Variants in ROBO2 observed in about 807,000 individuals in gnomAD.
ROBO2 encodes roundabout guidance receptor 2, also known as roundabout homolog 2.
In ROBO2, 53 loss-of-function variants were observed where a neutral mutation model predicts 160.8. That is an observed-to-expected ratio of 0.33 (90% CI 0.26 to 0.41). The LOEUF (loss-of-function observed/expected upper bound fraction) is 0.41. Among genes scored for constraint, ROBO2 ranks in the 10% least tolerant of loss-of-function variants. ROBO2 has a pLI of 1.00. For missense variants in ROBO2, 1,577 were observed against 1,722.4 expected (o/e 0.92, Z 1.49); for synonymous variants, 664 against 611.7 (o/e 1.09, Z -1.26).
At chr3:76,430,887 A>G (rs1210663815) in intron 2 of ROBO2, among the ~76,000 whole-genome samples, 2 of 152,012 alleles carry the variant, frequency 1.3e-5, no homozygotes, top group East Asian at 3.8e-4. Context: ...ACATATTTAA[A>G]ATATTTCAAT....
chr3:76,151,514 T>C (rs1438212671), intron 2 of ROBO2, among the ~76,000 whole-genome samples: 1 of 152,148 alleles, frequency 6.6e-6, no homozygotes, highest in African/African-American at 2.4e-5. Context: ...TTGGTCCTAT[T>C]TCTGCTGGCT....
At chr3:76,046,566 T>G (rs1283945927) in intron 2 of ROBO2, among the ~76,000 whole-genome samples, 1 of 151,882 alleles carries the variant, frequency 6.6e-6, no homozygotes, top group African/African-American at 2.4e-5. Flanking sequence ...GAGAATGGCG[T>G]GAACCCGGGA....
chr3:76,206,832 T>C (rs1430615983), intron 2 of ROBO2, among the ~76,000 whole-genome samples: 1 of 152,190 alleles, frequency 6.6e-6, no homozygotes. Flanking sequence ...GCAAAGCATC[T>C]GTACCCACAG....
intron 2 of ROBO2, among the ~76,000 whole-genome samples, chr3:77,435,777 A>C (rs1265065678): frequency 1.3e-5 from 2 of 151,812 alleles, no homozygotes; most frequent in Admixed American, 1.3e-4. Context: ...AAGGTCGTGA[A>C]AGAAACAGGG....
chr3:77,554,752 C>G (rs561296572), intron 8 of ROBO2, among the ~76,000 whole-genome samples: 2 of 152,092 alleles, frequency 1.3e-5, no homozygotes, highest in African/African-American at 4.8e-5. Context: ...AGAATTGCTT[C>G]TTAGGGATGA....
intron 2 of ROBO2, among the ~76,000 whole-genome samples, chr3:76,113,484 C>T (rs1468186512): frequency 1.3e-5 from 2 of 152,086 alleles, no homozygotes; most frequent in African/African-American, 4.8e-5. Context: ...GATGTGTGAG[C>T]AGACTCTGAG....
intron 2 of ROBO2, among the ~76,000 whole-genome samples, chr3:76,107,475 CAT>C (rs2069992787): frequency 6.6e-6 from 1 of 152,238 alleles, no homozygotes; most frequent in Middle Eastern, 3.4e-3. Flanking sequence ...TTTTCTGAAT[CAT>C]GTGATGCCTT....
chr3:76,619,511 A>G (rs12488746), intron 2 of ROBO2, among the ~76,000 whole-genome samples: 49,429 of 152,056 alleles, frequency 0.33, 9,074 homozygotes, highest in Middle Eastern at 0.43. Flanking sequence ...TAGAGCCACT[A>G]TTTGAGGTCA....
At chr3:77,454,268 A>C (rs2081397016) in intron 2 of ROBO2, among the ~76,000 whole-genome samples, 1 of 152,146 alleles carries the variant, frequency 6.6e-6, no homozygotes. Context: ...GAAAAAGATA[A>C]GCGTTCAATT....
At chr3:76,929,028 GGA>G in intron 2 of ROBO2, among the ~76,000 whole-genome samples, 1 of 152,158 alleles carries the variant, frequency 6.6e-6, no homozygotes, top group Non-Finnish European at 1.5e-5. Flanking sequence ...GGGAGGCCAA[GGA>G]GGGTGAATCA....
At chr3:77,049,212 C>T (rs536472456) in intron 1 of ROBO2, among the ~76,000 whole-genome samples, 143 of 152,168 alleles carry the variant, frequency 9.4e-4, no homozygotes, top group Non-Finnish European at 1.3e-3. Context: ...CACTTGTGGT[C>T]TCAGATACTT....
intron 2 of ROBO2, among the ~76,000 whole-genome samples, chr3:76,041,894 G>C (rs1444235513): frequency 6.6e-6 from 1 of 151,838 alleles, no homozygotes; most frequent in East Asian, 1.9e-4. Context: ...TGTACTTCAA[G>C]TTTAAAAGAT....
In ROBO2 at chr3:77,080,932, C is replaced by T. The variant is rs574125210; in HGVS notation, c.62-17082C>T. 1.2e-4 allele frequency among the ~76,000 whole-genome samples: 19 copies of T among 152,130 alleles called. No homozygotes were observed. The South Asian group carries it at 1.7e-3, about 13-fold the overall frequency. On this transcript the variant is annotated intron_variant, in intron 1 of 25. Transcript: ENST00000461745. Reference sequence around the variant, plus strand: ...TACATTATGGTTTTTATAAGGTATTCGCCGGAGTTGCCTGTTTTGTTTAAT... The same window carrying T: ...TACATTATGGTTTTTATAAGGTATTTGCCGGAGTTGCCTGTTTTGTTTAAT...
At chr3:76,088,037 T>G (rs767899976) in intron 2 of ROBO2, among the ~76,000 whole-genome samples, 5 of 152,096 alleles carry the variant, frequency 3.3e-5, no homozygotes, top group Admixed American at 3.3e-4. Context: ...GTGAGAGATA[T>G]ACTATGCTAA....
intron 2 of ROBO2, among the ~76,000 whole-genome samples, chr3:76,643,913 G>A (rs2090832959): frequency 6.6e-6 from 1 of 152,022 alleles, no homozygotes; most frequent in Non-Finnish European, 1.5e-5. Context: ...TATATCTGTG[G>A]AGAACTATGA....
At chr3:76,662,517 A>G (rs935831322) in intron 2 of ROBO2, among the ~76,000 whole-genome samples, 25 of 138,954 alleles carry the variant, frequency 1.8e-4, no homozygotes, top group African/African-American at 6.0e-4. Context: ...TGAGGAACTC[A>G]GATTTTTTTT....
chr3:76,565,529 A>C (rs2084462930), intron 2 of ROBO2, among the ~76,000 whole-genome samples: 1 of 152,174 alleles, frequency 6.6e-6, no homozygotes, highest in Non-Finnish European at 1.5e-5. Flanking sequence ...GAAGCACAAA[A>C]TGTTTCCATT....
At chr3:77,470,427 T>C (rs1361580961) in intron 2 of ROBO2, among the ~76,000 whole-genome samples, 2 of 152,076 alleles carry the variant, frequency 1.3e-5, no homozygotes, top group Admixed American at 1.3e-4. Context: ...ATATTGCAAA[T>C]CAGTGCAGCA....
chr3:76,355,192 G>T (rs1164946854), intron 2 of ROBO2, among the ~76,000 whole-genome samples: 1 of 151,580 alleles, frequency 6.6e-6, no homozygotes, highest in African/African-American at 2.4e-5. Flanking sequence ...AATGATAATT[G>T]ATTACAATTT....
Sources: gnomAD v4.1 joint callset for allele counts (sites outside exome capture counted in the v4.1 genomes callset) on GRCh38, gnomAD v4.1.1 for gene constraint, MANE v1.5 for transcripts, NCBI Gene and HGNC (gene_info 2026-07-23, HGNC 2026-07-21) for gene names.